Variants in NRXN3 observed in about 807,000 individuals in gnomAD.
NRXN3 encodes the protein neurexin III.
A neutral mutation model predicts 137.6 loss-of-function variants in NRXN3; 32 were observed. That is an observed-to-expected ratio of 0.23 (90% CI 0.18 to 0.31). NRXN3 has a LOEUF of 0.31. NRXN3 is among the 10% of genes least tolerant of loss of function. The pLI is 1.00. For synonymous variants in NRXN3, 798 were observed against 784.5 expected (o/e 1.02, Z -0.29); for missense variants, 1,574 against 2,062.5 (o/e 0.76, Z 4.59).
rs934670336 is a variant in NRXN3 at position 79,836,652 on chromosome 14, G to A, written c.4094-24690G>A. 4.6e-5 allele frequency among the ~76,000 whole-genome samples: 7 copies of A among 152,120 alleles called. No individual in the cohort carries two copies. The East Asian group carries it at 1.2e-3, about 25-fold the overall frequency. Reference sequence around the variant, plus strand: ...GTGCCATCTCTGAACATCTTAGATTGAGGGTCCCAGAGAACCTCATGTATG... The same window carrying A: ...GTGCCATCTCTGAACATCTTAGATTAAGGGTCCCAGAGAACCTCATGTATG... On this transcript the variant is annotated intron_variant, in intron 20 of 20. Transcript: ENST00000335750.
intron 8 of NRXN3, among the ~76,000 whole-genome samples, chr14:78,762,063 C>G (rs1204926861): frequency 6.6e-6 from 1 of 152,108 alleles, no homozygotes. Flanking sequence ...AGTGTTTAAA[C>G]GTTGACACTC....
chr14:78,759,248 G>A (rs976233110), intron 8 of NRXN3, among the ~76,000 whole-genome samples: 1 of 152,186 alleles, frequency 6.6e-6, no homozygotes, highest in Non-Finnish European at 1.5e-5. Context: ...ATTTCCGCTT[G>A]TTGGTAATAG....
intron 4 of NRXN3, among the ~76,000 whole-genome samples, chr14:78,380,302 C>T (rs1462230618): frequency 1.4e-5 from 1 of 70,438 alleles, no homozygotes; most frequent in Non-Finnish European, 2.6e-5. Context: ...AGCGAGACTC[C>T]GTCTCAAAAA....
At chr14:79,384,151 C>T (rs1380203691) in intron 15 of NRXN3, among the ~76,000 whole-genome samples, 2 of 152,048 alleles carry the variant, frequency 1.3e-5, no homozygotes, top group Non-Finnish European at 1.5e-5. Context: ...AACCATTTAA[C>T]ATATTTTTAT....
At chr14:79,210,855 C>T (rs931418689) in intron 15 of NRXN3, among the ~76,000 whole-genome samples, 4 of 152,072 alleles carry the variant, frequency 2.6e-5, no homozygotes, top group Admixed American at 2.6e-4. Context: ...TTGTGCTATT[C>T]TTCAGTGGGC....
intron 4 of NRXN3, among the ~76,000 whole-genome samples, chr14:78,563,363 G>A (rs1281146672): frequency 6.6e-6 from 1 of 152,214 alleles, no homozygotes; most frequent in African/African-American, 2.4e-5. Context: ...GATGGATAGA[G>A]AAATGATAAC....
chr14:79,685,645 T>G (rs1453489675), intron 17 of NRXN3, among the ~76,000 whole-genome samples: 2 of 152,220 alleles, frequency 1.3e-5, no homozygotes, highest in African/African-American at 4.8e-5. Context: ...GGCCTAGTTT[T>G]ATTAACCTAA....
Position 78,243,744 on chromosome 14 carries a change from C to T in NRXN3, c.651C>T (p.Asp217=), listed in dbSNP as rs376328812. 38 of 1,597,734 alleles carry T rather than the reference C, an allele frequency of 2.4e-5. No homozygotes were observed. In the Middle Eastern group the frequency reaches 5.0e-4, roughly 21 times the overall value. The change falls in exon 2 of 21, where the codon GAC becomes GAT. Residue 217 remains aspartate, a synonymous_variant. Transcript: ENST00000335750. The surrounding 1 kb of genome is among the most constrained non-coding windows in gnomAD (Gnocchi z 4.2). ...CENGGICFLL[D]GHPTCDCSTT... ...ATGGTGGGATCTGCTTTCTCCTGGACGGCCACCCCACCTGTGACTGTTCTA... is the reference window on the plus strand; with the variant it reads ...ATGGTGGGATCTGCTTTCTCCTGGATGGCCACCCCACCTGTGACTGTTCTA...
intron 4 of NRXN3, among the ~76,000 whole-genome samples, chr14:78,489,865 A>G (rs1162019346): frequency 1.3e-5 from 2 of 151,400 alleles, no homozygotes; most frequent in East Asian, 3.9e-4. Flanking sequence ...ATAAAGAAGC[A>G]GTTTCTAAGA....
At chr14:79,740,618 C>CCAA (rs1478286308) in intron 19 of NRXN3, among the ~76,000 whole-genome samples, 1 of 149,108 alleles carries the variant, frequency 6.7e-6, no homozygotes, top group Non-Finnish European at 1.5e-5. Flanking sequence ...GTCCATCAGC[C>CCAA]CAATTTACAA....
At chr14:79,626,068 T>G (rs1230125522) in intron 16 of NRXN3, among the ~76,000 whole-genome samples, 1 of 152,222 alleles carries the variant, frequency 6.6e-6, no homozygotes, top group Non-Finnish European at 1.5e-5. Context: ...CTGCTTATAT[T>G]AAAGAGGGAA....
Position 78,634,418 on chromosome 14 carries a change from G to T in NRXN3, c.758-10702G>T, listed in dbSNP as rs747984660. On this transcript the variant is annotated intron_variant, in intron 4 of 20. Transcript: ENST00000335750. ...AGATTTTGAAAAGGCAAGAAAAATT[G>T]CTGCTCACAGCGTATGGTTAAAAAG... 2.6e-4 allele frequency among the ~76,000 whole-genome samples: 39 copies of T among 152,182 alleles called. 1 individual carries two copies. Among genetic ancestry groups the T allele is most frequent in the South Asian group, 6.2e-4 (3 of 4,824 alleles).
intron 10 of NRXN3, among the ~76,000 whole-genome samples, chr14:78,869,474 T>C (rs557694945): frequency 8.5e-5 from 13 of 152,322 alleles, no homozygotes; most frequent in East Asian, 3.9e-4. Flanking sequence ...TCTAAACTTA[T>C]GTTTCTCTGT....
intron 19 of NRXN3, among the ~76,000 whole-genome samples, chr14:79,723,118 A>C (rs2098852087): frequency 6.6e-6 from 1 of 152,174 alleles, no homozygotes; most frequent in Non-Finnish European, 1.5e-5. Flanking sequence ...ATAAGTGAGC[A>C]CATACCGGAG....
At chr14:78,662,109 C>T (rs112693418) in intron 6 of NRXN3, among the ~76,000 whole-genome samples, 8 of 151,944 alleles carry the variant, frequency 5.3e-5, no homozygotes, top group African/African-American at 1.9e-4. Flanking sequence ...CTCCTTCAAG[C>T]GATCCATCCA....
At chr14:79,651,620 G>A (rs1189478991) in intron 16 of NRXN3, among the ~76,000 whole-genome samples, 1 of 152,098 alleles carries the variant, frequency 6.6e-6, no homozygotes, top group Non-Finnish European at 1.5e-5. Flanking sequence ...ATAATGGAGA[G>A]ATTGTGGGAT....
intron 4 of NRXN3, among the ~76,000 whole-genome samples, chr14:78,306,753 TC>T (rs1340909526): frequency 6.6e-6 from 1 of 152,116 alleles, no homozygotes; most frequent in Admixed American, 6.6e-5. Context: ...AAGCAGATCC[TC>T]TGCTTCAATA....
chr14:79,400,661 G>A (rs1171103767), intron 15 of NRXN3, among the ~76,000 whole-genome samples: 1 of 152,118 alleles, frequency 6.6e-6, no homozygotes, highest in East Asian at 1.9e-4. Context: ...TATCATATTT[G>A]AAGCCAGGAT....
chr14:79,369,021 A>G (rs181343377), intron 15 of NRXN3, among the ~76,000 whole-genome samples: 35 of 152,368 alleles, frequency 2.3e-4, no homozygotes, highest in Non-Finnish European at 1.9e-4. Context: ...TAATACAACA[A>G]TGGAGTTGGA....
Sources: gnomAD v4.1 joint callset for allele counts (sites outside exome capture counted in the v4.1 genomes callset) on GRCh38, gnomAD v4.1.1 for gene constraint, Gnocchi (gnomAD v3.1) non-coding constraint, MANE v1.5 for transcripts, NCBI Gene and HGNC (gene_info 2026-07-23, HGNC 2026-07-21) for gene names.